AR: variants seen among roughly 807,000 people sequenced by gnomAD.
AR encodes dihydrotestosterone receptor.
Under a neutral mutation model 53.9 loss-of-function variants are expected in AR, and 8 were observed. The ratio of observed to expected loss-of-function variants is 0.15; its 90% CI spans 0.09 to 0.27. AR has a LOEUF of 0.27. Ranked by LOEUF, AR falls within the 10% of genes least tolerant of loss-of-function variation. The probability of loss-of-function intolerance (pLI) is 1.00; values close to 1 mark genes in which losing one functional copy is unlikely to be tolerated. For missense variants in AR, 639 were observed against 742.5 expected (o/e 0.86, Z 1.62); for synonymous variants, 359 against 316.4 (o/e 1.13, Z -1.43).
chrX:67,635,583 GGAGAGAGA>G (rs750057449), intron 1 of AR, among the ~76,000 whole-genome samples: 1 of 108,073 alleles, frequency 9.3e-6, no homozygotes, highest in Non-Finnish European at 1.9e-5. Context: ...AAGGAGTCAG[GGAGAGAGA>G]GAGAGAGAGA....
chrX:67,702,652 G>A (rs1374139461), intron 3 of AR, among the ~76,000 whole-genome samples: 2 of 111,948 alleles, frequency 1.8e-5, no homozygotes, highest in South Asian at 3.7e-4. Context: ...TGTTCCTCTT[G>A]CAACACCAAC....
Position 67,711,610 on chromosome X carries a change from T to C in AR, c.2094T>C (p.Phe698=), listed in dbSNP as rs1488599917. Residue 698 remains phenylalanine, a synonymous_variant, in exon 4 of 8, where the codon TTT becomes TTC. Coordinates refer to ENST00000374690, the MANE Select transcript of AR (RefSeq NM_000044.6). ...AGHDNNQPDS[F]AALLSSLNEL... is the part of the protein sequence containing the mutation. ...ACGACAACAACCAGCCCGACTCCTT[T>C]GCAGCCTTGCTCTCTAGCCTCAATG... is the stretch of plus-strand genomic sequence containing the variant. The C allele has an allele frequency of 1.7e-6, 2 of 1,209,404 alleles. No homozygotes were observed. Among genetic ancestry groups the C allele is most frequent in the Admixed American group, 4.4e-5 (2 of 45,748 alleles).
chrX:67,596,403 T>C (rs1456265924), intron 1 of AR, among the ~76,000 whole-genome samples: 3 of 111,339 alleles, frequency 2.7e-5, no homozygotes, highest in African/African-American at 9.8e-5. Context: ...TTTCCTTTGT[T>C]TTTCAATTGA....
intron 1 of AR, among the ~76,000 whole-genome samples, chrX:67,588,830 A>T (rs969886960): frequency 4.5e-5 from 5 of 112,110 alleles, no homozygotes; most frequent in Non-Finnish European, 9.4e-5. Flanking sequence ...TCATTTTAAG[A>T]TCATCCCTAT....
At chrX:67,634,213 T>C (rs1456605944) in intron 1 of AR, among the ~76,000 whole-genome samples, 2 of 111,908 alleles carry the variant, frequency 1.8e-5, no homozygotes, top group Non-Finnish European at 3.8e-5. Flanking sequence ...ACAAGTCATT[T>C]GCTTTCTCTA....
chrX:67,559,947 T>C (rs1921223016), intron 1 of AR, among the ~76,000 whole-genome samples: 1 of 112,113 alleles, frequency 8.9e-6, no homozygotes, highest in Admixed American at 9.5e-5. Context: ...TCTGAAAAAT[T>C]TGTTTGATCA....
chrX:67,571,246 T>G (rs756121524), intron 1 of AR, among the ~76,000 whole-genome samples: 1 of 112,347 alleles, frequency 8.9e-6, no homozygotes, highest in South Asian at 3.7e-4. Context: ...TTATACTTGT[T>G]TCTTTGCACG....
chrX:67,692,730 G>A (rs1250400808), intron 3 of AR, among the ~76,000 whole-genome samples: 3 of 111,872 alleles, frequency 2.7e-5, no homozygotes, highest in Non-Finnish European at 3.8e-5. Context: ...CAATGTCACC[G>A]TACCCTTCAG....
chrX:67,593,944 C>T (rs1334124607), intron 1 of AR, among the ~76,000 whole-genome samples: 2 of 111,625 alleles, frequency 1.8e-5, no homozygotes, highest in Admixed American at 1.9e-4. Flanking sequence ...ATTGTCTTAA[C>T]CCCAGGCATC....
At chrX:67,605,842 T>C (rs1235088534) in intron 1 of AR, among the ~76,000 whole-genome samples, 1 of 112,033 alleles carries the variant, frequency 8.9e-6, no homozygotes, top group Non-Finnish European at 1.9e-5. Flanking sequence ...CTGGTTTGTA[T>C]TTGCCTCAAA....
chrX:67,600,958 G>A (rs1923325690), intron 1 of AR, among the ~76,000 whole-genome samples: 1 of 111,529 alleles, frequency 9.0e-6, no homozygotes, highest in African/African-American at 3.3e-5. Context: ...GGATATTTGG[G>A]GGACATTTTT....
intron 1 of AR, among the ~76,000 whole-genome samples, chrX:67,626,013 G>T (rs1000739937): frequency 9.0e-6 from 1 of 111,349 alleles, no homozygotes; most frequent in African/African-American, 3.3e-5. Context: ...AATGTTCAAT[G>T]ATCATATTAG....
chrX:67,718,668 C>A (rs1282041414), intron 5 of AR, among the ~76,000 whole-genome samples: 3 of 110,864 alleles, frequency 2.7e-5, no homozygotes, highest in African/African-American at 9.9e-5. Flanking sequence ...TTTTGCTCTG[C>A]CACCCAGGCT....
chrX:67,602,960 A>G (rs1923447793), intron 1 of AR, among the ~76,000 whole-genome samples: 1 of 112,083 alleles, frequency 8.9e-6, no homozygotes, highest in Non-Finnish European at 1.9e-5. Flanking sequence ...AATGGAATTA[A>G]TTTATACTGC....
chrX:67,624,601 G>C (rs1012706611), intron 1 of AR, among the ~76,000 whole-genome samples: 31 of 110,701 alleles, frequency 2.8e-4, no homozygotes, highest in African/African-American at 1.0e-3. Context: ...TTTGAATATA[G>C]ATAACTTTCT....
chrX:67,665,082 G>A (rs963945058), intron 2 of AR, among the ~76,000 whole-genome samples: 3 of 112,938 alleles, frequency 2.7e-5, no homozygotes, highest in Admixed American at 9.3e-5. Flanking sequence ...GCGATGTCTC[G>A]CCCTGCTTTG....
intron 2 of AR, among the ~76,000 whole-genome samples, chrX:67,643,987 A>G (rs1238527518): frequency 1.8e-5 from 2 of 112,045 alleles, no homozygotes; most frequent in African/African-American, 6.5e-5. Context: ...GAAGAAACAC[A>G]TTTATTCTCC....
At chrX:67,680,175 T>C (rs1027703613) in intron 2 of AR, among the ~76,000 whole-genome samples, 7 of 112,191 alleles carry the variant, frequency 6.2e-5, no homozygotes, top group East Asian at 5.6e-4. Flanking sequence ...CTTCACTGAA[T>C]TGGAATGGCA....
At chrX:67,670,920 A>AAC (rs2075860947) in intron 2 of AR, among the ~76,000 whole-genome samples, 1 of 111,387 alleles carries the variant, frequency 9.0e-6, no homozygotes, top group African/African-American at 3.3e-5. Flanking sequence ...TGTCCCTGCA[A>AAC]AGGACATGAA....
Sources: gnomAD v4.1 joint callset for allele counts (sites outside exome capture counted in the v4.1 genomes callset) on GRCh38, gnomAD v4.1.1 for gene constraint, MANE v1.5 for transcripts, NCBI Gene and HGNC (gene_info 2026-07-23, HGNC 2026-07-21) for gene names.